Variants in TRPV3 observed in about 807,000 individuals in gnomAD.
TRPV3 encodes the protein VRL-3.
In TRPV3, 88 loss-of-function variants were observed where a neutral mutation model predicts 87.1. The observed-to-expected ratio is 1.01, with a 90% CI of 0.85 to 1.21. The LOEUF is 1.21. TRPV3 is among the 50% of genes most tolerant of loss of function. The probability of loss-of-function intolerance (pLI) is 0.00; values close to 1 mark genes in which losing one functional copy is unlikely to be tolerated. For missense variants in TRPV3, 1,054 were observed against 1,030.1 expected (o/e 1.02, Z -0.32); for synonymous variants, 438 against 423.3 (o/e 1.03, Z -0.43).
At chr17:3,541,046 G>A (rs1037275657) in intron 6 of TRPV3, among the ~76,000 whole-genome samples, 6 of 152,214 alleles carry the variant, frequency 3.9e-5, no homozygotes, top group Admixed American at 3.3e-4. Flanking sequence ...AGGGTTAAAG[G>A]CCAAAGCTAA....
At chr17:3,525,298 G>A (rs1357150076) in intron 12 of TRPV3, among the ~76,000 whole-genome samples, 4 of 152,226 alleles carry the variant, frequency 2.6e-5, no homozygotes, top group Non-Finnish European at 4.4e-5. Flanking sequence ...GGGATTACAG[G>A]CGTGAGCCAA....
In TRPV3 at chr17:3,543,679, A is replaced by G. The variant is rs761350004; in HGVS notation, c.312-51T>C. On this transcript the variant is annotated intron_variant, in intron 4 of 17. Coordinates refer to ENST00000576742, the MANE Select transcript of TRPV3 (RefSeq NM_145068.4). ...CAACACACACATCCTCTCAAGCTCA[A>G]TCTCTCCTTTTCCCCGCCAGAGCTG... is the stretch of plus-strand genomic sequence containing the variant. The G allele has an allele frequency of 2.5e-6, 4 of 1,603,060 alleles. No homozygotes were observed. The African/African-American group carries it at 4.0e-5, about 16-fold the overall frequency.
intron 12 of TRPV3, among the ~76,000 whole-genome samples, chr17:3,524,771 G>A (rs1176893764): frequency 1.4e-5 from 2 of 147,206 alleles, no homozygotes; most frequent in Non-Finnish European, 3.0e-5. Flanking sequence ...CAGGAGTTCA[G>A]GACCAGCCTG....
chr17:3,547,736 G>A (rs1052363976), intron 2 of TRPV3, among the ~76,000 whole-genome samples: 1 of 152,198 alleles, frequency 6.6e-6, no homozygotes, highest in Non-Finnish European at 1.5e-5. Context: ...CGGAGGGGAG[G>A]GGCAGGGCAA....
At chr17:3,522,191 C>T (rs1456379284) in intron 13 of TRPV3, among the ~76,000 whole-genome samples, 2 of 152,174 alleles carry the variant, frequency 1.3e-5, no homozygotes, top group East Asian at 1.9e-4. Flanking sequence ...TTTGAGGTTA[C>T]TTGTCTCTAT....
rs1348166708 is a variant in TRPV3, at chr17:3,556,176, C to CA, written c.-2-1325dup. Reference sequence around the variant, plus strand: ...TGGGCGACAGAGCGAGACTCCGTCTCAAAAAAAATGAAAAAAAAAAAAAAT... The same window carrying CA: ...TGGGCGACAGAGCGAGACTCCGTCTCAAAAAAAAATGAAAAAAAAAAAAAAT... On this transcript the variant is annotated intron_variant, in intron 1 of 17. Coordinates refer to ENST00000576742, the MANE Select transcript of TRPV3 (RefSeq NM_145068.4). This position sits in a 1 kb window ranked among gnomAD's most constrained non-coding sequence, Gnocchi z 4.2. Among the ~76,000 whole-genome samples the CA allele has an allele frequency of 9.8e-4, 82 of 83,394 alleles. 2 individuals are homozygous for CA. Among genetic ancestry groups the CA allele is most frequent in the African/African-American group, 2.9e-3 (80 of 27,244 alleles). 54.7% of individuals were successfully genotyped at this position (83,394 alleles called of 152,430 possible).
intron 12 of TRPV3, among the ~76,000 whole-genome samples, chr17:3,526,557 G>T (rs149714050): frequency 1.3e-5 from 2 of 151,730 alleles, no homozygotes; most frequent in Non-Finnish European, 2.9e-5. Context: ...TGCCTTCCAC[G>T]TGGGGCTCTG....
chr17:3,554,993 C>T (rs2074613882), intron 1 of TRPV3, 141 bp from the exon 2 acceptor site: 4 of 593,038 alleles, frequency 6.7e-6, no homozygotes, highest in South Asian at 6.3e-5. Flanking sequence ...CCCAGTTCAC[C>T]AATCCTTCTT....
rs776459642 is a variant in TRPV3, at chr17:3,516,458, G to A, written c.2197C>T (p.Arg733Trp). The change falls in exon 16 of 18, where the codon CGG becomes TGG. Residue 733 changes from arginine (R) to tryptophan (W), a missense_variant and splice_region_variant. By Grantham distance (101) the Arg-to-Trp change is moderately radical (BLOSUM62 -3). Transcript: ENST00000576742. Reference sequence around the variant, plus strand: ...CCAGGGCCCTTCTCCCTTTGTTACCGCAAACACAGTCGGAAATCATCCTCG... The same window carrying A: ...CCAGGGCCCTTCTCCCTTTGTTACCACAAACACAGTCGGAAATCATCCTCG... ...VAEDDFRLCL[R>W]INEVKWTEWK... 2.2e-5 allele frequency: 35 copies of A among 1,613,154 alleles called. No individual in the cohort carries two copies. In the Middle Eastern group the frequency reaches 6.6e-4, roughly 30 times the overall value.
intron 2 of TRPV3, chr17:3,553,897 GC>G (rs2074601227): frequency 6.5e-6 from 1 of 152,738 alleles, no homozygotes; most frequent in Non-Finnish European, 1.5e-5. Context: ...GGCAGAGGAG[GC>G]AGGGCCACCC....
intron 12 of TRPV3, among the ~76,000 whole-genome samples, chr17:3,525,168 C>CTGTGT (rs2074286737): frequency 1.3e-5 from 2 of 151,232 alleles, no homozygotes; most frequent in East Asian, 3.9e-4. Flanking sequence ...TACAGGCACC[C>CTGTGT]GCCACCACAC....
intron 2 of TRPV3, among the ~76,000 whole-genome samples, chr17:3,546,023 G>A (rs1357789073): frequency 1.3e-5 from 2 of 151,218 alleles, no homozygotes; most frequent in Admixed American, 1.3e-4. Flanking sequence ...AAAACAGGGA[G>A]CACAGGGCCA....
In TRPV3 at chr17:3,536,257, T is replaced by C. The variant is rs1335069156; in HGVS notation, c.644-544A>G. 4.1e-5 allele frequency among the ~76,000 whole-genome samples: 6 copies of C among 146,734 alleles called. No individual in the cohort carries two copies. The East Asian group carries it at 1.2e-3, about 30-fold the overall frequency. Reference sequence around the variant, plus strand: ...TGTAGGGCTCGGTGCATGGGTGTTTTCAGACCTCTCTGGCTGCAAAAGTGG... The same window carrying C: ...TGTAGGGCTCGGTGCATGGGTGTTTCCAGACCTCTCTGGCTGCAAAAGTGG... On this transcript the variant is annotated intron_variant, in intron 6 of 17. Coordinates refer to ENST00000576742, the MANE Select transcript of TRPV3 (RefSeq NM_145068.4).
chr17:3,554,219 T>G, intron 2 of TRPV3: 1 of 153,798 alleles, frequency 6.5e-6, no homozygotes, highest in Admixed American at 6.5e-5. Context: ...ACTGAGCACT[T>G]TGTTGACTTG....
Position 3,530,330 on chromosome 17 carries a change from G to T in TRPV3, c.1066-127C>A. On this transcript the variant is annotated intron_variant, in intron 8 of 17. Transcript: ENST00000576742. The surrounding 1 kb of genome is among the most constrained non-coding windows in gnomAD (Gnocchi z 4.0). ...CCAGAATGGGTGGAGACCTGCCTCT[G>T]CGCCTGGCGCCATGGCCCCTGGGCC... The T allele has an allele frequency of 1.1e-6, 1 of 888,974 alleles. No individual in the cohort carries two copies. Among genetic ancestry groups the T allele is most frequent in the Non-Finnish European group, 1.7e-6 (1 of 601,170 alleles). The allele number at this position is 888,974 out of a possible 1,614,324, so 55.1% of individuals were successfully genotyped here.
In TRPV3 at chr17:3,542,247, A is replaced by G. The variant is rs7223234; in HGVS notation, c.643+275T>C. Among the ~76,000 whole-genome samples, 90,343 of 152,130 alleles carry G rather than the reference A, an allele frequency of 0.59. 27,172 individuals are homozygous for G. Among genetic ancestry groups the G allele is most frequent in the East Asian group, 0.73 (3,764 of 5,172 alleles). Reference sequence around the variant, plus strand: ...GCTGGGATTCCAGGCGTGAGCCACCACGCCCGGCCTTAGAGCAGTGGCTTT... The same window carrying G: ...GCTGGGATTCCAGGCGTGAGCCACCGCGCCCGGCCTTAGAGCAGTGGCTTT... On this transcript the variant is annotated intron_variant, in intron 6 of 17. Coordinates refer to ENST00000576742, the MANE Select transcript of TRPV3 (RefSeq NM_145068.4).
chr17:3,546,169 T>C (rs684489), intron 2 of TRPV3, among the ~76,000 whole-genome samples: 75,911 of 151,766 alleles, frequency 0.5, 20,705 homozygotes, highest in East Asian at 0.7. Flanking sequence ...CATAGACGCA[T>C]GGTGGCTCAC....
At position 3,520,405 on chromosome 17, in the gene TRPV3, C is replaced by G. The variant is rs974049713; in HGVS notation, c.1810+568G>C. Among the ~76,000 whole-genome samples, 2 of 152,166 alleles carry G rather than the reference C, an allele frequency of 1.3e-5. 1 individual carries two copies. The highest frequency in any genetic ancestry group is 2.9e-5 in the Non-Finnish European group (2 of 68,034). On this transcript the variant is annotated intron_variant, in intron 14 of 17. Coordinates refer to ENST00000576742, the MANE Select transcript of TRPV3 (RefSeq NM_145068.4). ...AATCACCTCAGGGTATTAGTTTGCT[C>G]CTACTTTGCAAAGACCATCAGTTGA...
rs201681037 is a variant in TRPV3 at position 3,523,718 on chromosome 17, CA to C, written c.1743+479del. On this transcript the variant is annotated intron_variant, in intron 13 of 17. Coordinates refer to ENST00000576742, the MANE Select transcript of TRPV3 (RefSeq NM_145068.4). ...GGGCAGCAGAGCAAGACTTGGTCTCCAAAAAAAAAAAAAAAAAGCAACAAAT... is the reference window on the plus strand; with the variant it reads ...GGGCAGCAGAGCAAGACTTGGTCTCCAAAAAAAAAAAAAAAAGCAACAAAT... 8.4e-3 allele frequency among the ~76,000 whole-genome samples: 659 copies of C among 78,578 alleles called. 2 individuals carry two copies. The highest frequency in any genetic ancestry group is 0.012 in the African/African-American group (231 of 18,916). 51.6% of individuals were successfully genotyped at this position (78,578 alleles called of 152,430 possible).
Sources: allele counts gnomAD v4.1 joint callset (sites outside exome capture counted in the v4.1 genomes callset), GRCh38; gene constraint gnomAD v4.1.1; non-coding constraint Gnocchi (gnomAD v3.1); transcripts MANE v1.5; gene names NCBI Gene and HGNC (gene_info 2026-07-23, HGNC 2026-07-21).